The following NBEAL2 variants were observed in gnomAD, a reference collection of about 807,000 sequenced individuals.
NBEAL2 encodes neurobeachin-like protein 2.
Under a neutral mutation model 299.8 loss-of-function variants are expected in NBEAL2, and 160 were observed. The observed-to-expected ratio is 0.53, with a 90% CI of 0.47 to 0.61. The LOEUF (loss-of-function observed/expected upper bound fraction) is 0.61, where lower values mean the gene tolerates loss of function less well. Ranked by LOEUF, NBEAL2 falls within the 20% of genes least tolerant of loss-of-function variation. The pLI, the probability that NBEAL2 is intolerant of heterozygous loss-of-function variation, is 0.00. For synonymous variants in NBEAL2, 1,493 were observed against 1,542.3 expected (o/e 0.97, Z 0.75); for missense variants, 3,112 against 3,649.0 (o/e 0.85, Z 3.79).
In NBEAL2 at chr3:46,993,973, G is replaced by A. The variant is rs779526594; in HGVS notation, c.1150G>A (p.Val384Ile). The A allele has an allele frequency of 5.0e-6, 8 of 1,612,008 alleles. No individual in the cohort carries two copies. In the South Asian group the frequency reaches 8.8e-5, roughly 18 times the overall value. Residue 384 changes from valine (V) to isoleucine (I), a missense_variant, in exon 11 of 54, where the codon GTA becomes ATA. Val to Ile is a conservative substitution (Grantham distance 29). Coordinates refer to ENST00000450053, the MANE Select transcript of NBEAL2 (RefSeq NM_015175.3). ...DQDTDAIAVH[V>I]VRVLTCIMSD... ...AGACACAGACGCCATTGCAGTCCAT[G>A]TAGTCAGAGTGCTGACCTGCATCAT...
Position 47,003,032 on chromosome 3 carries a change from C to G in NBEAL2, c.5535C>G (p.Asn1845Lys). 1 of 1,613,278 alleles carries G rather than the reference C, an allele frequency of 6.2e-7. No individual in the cohort carries two copies. ...YSRMRLKLVPNHHFDPHLEAS... is the reference protein window; with the variant it reads ...YSRMRLKLVPKHHFDPHLEAS... ...GCATGCGTCTGAAGCTGGTGCCCAACCATCACTTCGACCCTCACCTGGAAG... is the reference window on the plus strand; with the variant it reads ...GCATGCGTCTGAAGCTGGTGCCCAAGCATCACTTCGACCCTCACCTGGAAG... Residue 1845 changes from asparagine (N) to lysine (K), a missense_variant, in exon 34 of 54, where the codon AAC becomes AAG. Transcript: ENST00000450053. The surrounding 1 kb of genome is among the most constrained non-coding windows in gnomAD (Gnocchi z 7.0).
chr3:46,997,470 T>C (rs370455597), intron 19 of NBEAL2, 37 bp downstream of exon 19: 2 of 1,597,476 alleles, frequency 1.3e-6, no homozygotes, highest in African/African-American at 2.7e-5. Flanking sequence ...GGAGAGGGAA[T>C]CTTGGCATGG....
Position 46,999,118 on chromosome 3 carries a change from G to C in NBEAL2, c.3543+1G>C. On this transcript the variant is annotated splice_donor_variant, in intron 24 of 53. Coordinates refer to ENST00000450053, the MANE Select transcript of NBEAL2 (RefSeq NM_015175.3). LOFTEE classifies it high-confidence loss of function. ...CCTGCTGCCCGATCGAGTCTGCAAG[G>C]TACACCCAGCCCACCCCCTCCCCTG... 1 of 1,570,504 alleles carries C rather than the reference G, an allele frequency of 6.4e-7. No homozygotes were observed. Among genetic ancestry groups the C allele is most frequent in the Non-Finnish European group, 8.6e-7 (1 of 1,156,636 alleles).
In NBEAL2 at chr3:46,988,075, C is replaced by A; in HGVS notation, c.52-594C>A. ...GGAACCAGCTCTGGGGCCTGGGGTC[C>A]AGGTAACCAGCAAGGGTGGGTGGAG... is the stretch of plus-strand genomic sequence containing the variant. On this transcript the variant is annotated intron_variant, in intron 1 of 53. Coordinates refer to ENST00000450053, the MANE Select transcript of NBEAL2 (RefSeq NM_015175.3). The surrounding 1 kb of genome is among the most constrained non-coding windows in gnomAD (Gnocchi z 4.4). 1.6e-6 allele frequency: 2 copies of A among 1,232,522 alleles called. No homozygotes were observed. The highest frequency in any genetic ancestry group is 2.1e-6 in the Non-Finnish European group (2 of 962,276). 76.3% of individuals were successfully genotyped at this position (1,232,522 alleles called of 1,614,324 possible).
Position 46,995,088 on chromosome 3 carries a change from G to C in NBEAL2, c.1353G>C (p.Pro451=), listed in dbSNP as rs115611407. 1.3e-6 allele frequency: 2 copies of C among 1,567,046 alleles called. No individual in the cohort carries two copies. Among genetic ancestry groups the C allele is most frequent in the African/African-American group, 2.7e-5 (2 of 73,804 alleles). Residue 451 remains proline, a synonymous_variant, in exon 13 of 54, where the codon CCG becomes CCC. Coordinates refer to ENST00000450053, the MANE Select transcript of NBEAL2 (RefSeq NM_015175.3). ...CTCCACCAATCCGCAACGAGCAGCC[G>C]GTACTGGTGCTGGCGCAGTGGCTGC... ...CPPPPIRNEQ[P]VLVLAQWLPS... is the part of the protein sequence containing the mutation.
Position 47,006,388 on chromosome 3 carries a change from TG to T in NBEAL2, c.7075del (p.Asp2359ThrfsTer30). 1.3e-6 allele frequency: 2 copies of T among 1,596,262 alleles called. No homozygotes were observed. Among genetic ancestry groups the T allele is most frequent in the South Asian group, 1.1e-5 (1 of 87,800 alleles). On this transcript the variant is annotated frameshift_variant, in exon 45 of 54. Transcript: ENST00000450053. LOFTEE classifies it high-confidence loss of function. ...GAAGCAGCCCATCGCCTTGCACGCC[TG>T]GACACTAACTCACCTAGCATCTTCC... ...AEEAAHRLAR[L>X]DTNSPSIFQH...
rs779405002 is a variant in NBEAL2 at position 47,001,981 on chromosome 3, G to T, written c.4844G>T (p.Arg1615Leu). The part of the protein sequence containing the change: ...MLLQTAVPAR[R>L]EEACYVLSKL... ...CTACAGACTGCAGTGCCAGCCCGCC[G>T]CGAGGAGGCCTGCTATGTGCTCTCC... Residue 1615 changes from arginine to leucine, a missense_variant, in exon 31 of 54, where the codon CGC becomes CTC. Coordinates refer to ENST00000450053, the MANE Select transcript of NBEAL2 (RefSeq NM_015175.3). This position sits in a 1 kb window ranked among gnomAD's most constrained non-coding sequence, Gnocchi z 6.1. 1 of 1,607,956 alleles carries T rather than the reference G, an allele frequency of 6.2e-7. No homozygotes were observed. Among genetic ancestry groups the T allele is most frequent in the Middle Eastern group, 1.7e-4 (1 of 6,052 alleles).
intron 19 of NBEAL2, 27 bp downstream of exon 19, chr3:46,997,460 G>A (rs1395183477): frequency 2.5e-6 from 4 of 1,600,914 alleles, no homozygotes; most frequent in East Asian, 2.2e-5. Context: ...CCTATGTTGT[G>A]GAGAGGGAAT....
intron 26 of NBEAL2, 63 bp from the exon 27 acceptor site, chr3:46,999,802 TCTGGAGCCCTCCTCTGCAAAGGCC>T: frequency 1.3e-6 from 2 of 1,591,026 alleles, no homozygotes; most frequent in Non-Finnish European, 1.7e-6. Flanking sequence ...ATGAGGGGTC[TCTGGAGCCCTCCTCTGCAAAGGCC>T]CTGGATGAGG....
chr3:47,005,678 G>T (rs978414993), intron 41 of NBEAL2, 59 bp downstream of exon 41: 18 of 1,564,298 alleles, frequency 1.2e-5, no homozygotes, highest in Non-Finnish European at 1.5e-5. Context: ...GCAGATGGTG[G>T]AGTGGCCAGG....
chr3:46,980,266 C>T (rs990034962), intron 1 of NBEAL2, among the ~76,000 whole-genome samples: 1 of 152,174 alleles, frequency 6.6e-6, no homozygotes, highest in Non-Finnish European at 1.5e-5. Context: ...CCTGGAGAGA[C>T]CTGGAGACTG....
chr3:46,989,269 T>C lies in NBEAL2; in HGVS notation c.361T>C (p.Cys121Arg), dbSNP rs1163898918. 6.2e-7 allele frequency: 1 copy of C among 1,611,680 alleles called. No individual in the cohort carries two copies. The highest frequency in any genetic ancestry group is 8.5e-7 in the Non-Finnish European group (1 of 1,178,950). The change falls in exon 5 of 54, where the codon TGC (cysteine) becomes CGC (arginine). Residue 121 changes from cysteine (C) to arginine (R), a missense_variant. Physicochemically the swap from Cys to Arg is radical, Grantham distance 180. Around this residue, in one of 3 missense-constraint regions of NBEAL2, gnomAD observed 2,243 missense variants for 2,538.1 expected, o/e 0.88. Coordinates refer to ENST00000450053, the MANE Select transcript of NBEAL2 (RefSeq NM_015175.3). The surrounding 1 kb of genome is among the most constrained non-coding windows in gnomAD (Gnocchi z 5.5). ...CTCCCCACACCTACAGCTGAAAGGA[T>C]GCCCACCACCCCAGGGCCGAGGCAC... Reference protein sequence around the residue: ...LTKLVAELKGCPPPQGRGTQL... With the variant: ...LTKLVAELKGRPPPQGRGTQL...
rs751243925 is a variant in NBEAL2, at chr3:47,008,590, C to T, written c.7949C>T (p.Pro2650Leu). 2 of 1,613,674 alleles carry T rather than the reference C, an allele frequency of 1.2e-6. No individual in the cohort carries two copies. The highest frequency in any genetic ancestry group is 2.2e-5 in the South Asian group (2 of 91,090). Residue 2650 changes from proline to leucine, a missense_variant, in exon 52 of 54, where the codon CCT becomes CTT. Around this residue, in one of 3 missense-constraint regions of NBEAL2, gnomAD observed 348 missense variants for 381.4 expected, o/e 0.91. Transcript: ENST00000450053. Reference sequence around the variant, plus strand: ...GCTTCACTGCCCCTGGCAGAGCAGCCTACAGCCCTGACGGTGACAGAGGAC... The same window carrying T: ...GCTTCACTGCCCCTGGCAGAGCAGCTTACAGCCCTGACGGTGACAGAGGAC... ...LRASLPLAEQ[P>L]TALTVTEDFV... is the part of the protein sequence containing the mutation.
chr3:47,007,644 G>C lies in NBEAL2; in HGVS notation c.7454G>C (p.Arg2485Pro), dbSNP rs769901586. The C allele has an allele frequency of 6.2e-7, 1 of 1,611,164 alleles. No individual in the cohort carries two copies. The highest frequency in any genetic ancestry group is 8.5e-7 in the Non-Finnish European group (1 of 1,179,082). ...GGTGGCCACTGGGATGGCAGCCTGC[G>C]GGTGACTGCACTACCCCGTGGCAAG... ...FSGGHWDGSL[R>P]VTALPRGKLL... Residue 2485 changes from arginine (R) to proline (P), a missense_variant, in exon 48 of 54, where the codon CGG becomes CCG. Arg to Pro is a moderately radical substitution (Grantham distance 103). Transcript: ENST00000450053.
intron 21 of NBEAL2, 102 bp from the exon 22 acceptor site, chr3:46,998,361 G>T: frequency 1.3e-6 from 2 of 1,510,554 alleles, no homozygotes; most frequent in South Asian, 2.4e-5. Flanking sequence ...AGGGGACTAT[G>T]ACCCTGCCCT....
Position 46,982,778 on chromosome 3 carries a change from A to C in NBEAL2, c.51+2866A>C, listed in dbSNP as rs1475471159. The stretch of plus-strand genomic sequence containing the variant: ...GCAGTGGGACAAGAAGCAAATTGTC[A>C]GGAGTTGGGGCAGGGCAGAGCTAGT... On this transcript the variant is annotated intron_variant, in intron 1 of 53. Coordinates refer to ENST00000450053, the MANE Select transcript of NBEAL2 (RefSeq NM_015175.3). This position sits in a 1 kb window ranked among gnomAD's most constrained non-coding sequence, Gnocchi z 4.2. 6.6e-6 allele frequency among the ~76,000 whole-genome samples: 1 copy of C among 152,110 alleles called. No homozygotes were observed. Among genetic ancestry groups the C allele is most frequent in the Non-Finnish European group, 1.5e-5 (1 of 67,996 alleles).
chr3:46,982,028 T>C lies in NBEAL2; in HGVS notation c.51+2116T>C, dbSNP rs916522347. 3 of 152,150 alleles carry C rather than the reference T, an allele frequency of 2.0e-5. No homozygotes were observed. Among genetic ancestry groups the C allele is most frequent in the African/African-American group, 7.2e-5 (3 of 41,398 alleles). The allele number at this position is 152,150 out of a possible 1,614,324, so 9.4% of individuals were successfully genotyped here. A position where few individuals can be genotyped will look rare whatever the true frequency, so the allele number is the denominator to read the frequency against. ...TGGGGCCAGGCAAACAAATCCAGGA[T>C]GTAACAGCAAACCCCCAAGCCAGGC... On this transcript the variant is annotated intron_variant, in intron 1 of 53. Transcript: ENST00000450053. The surrounding 1 kb of genome is among the most constrained non-coding windows in gnomAD (Gnocchi z 4.2).
Position 47,000,899 on chromosome 3 carries a change from C to A in NBEAL2, c.4306-102C>A. ...GCCAAATGCTCTGACTCCTGGGTGG[C>A]TACCCCAGGAGGGGTGCTGAGTGGG... On this transcript the variant is annotated intron_variant, in intron 27 of 53. Transcript: ENST00000450053. This position sits in a 1 kb window ranked among gnomAD's most constrained non-coding sequence, Gnocchi z 4.5. 1 of 1,487,506 alleles carries A rather than the reference C, an allele frequency of 6.7e-7. No individual in the cohort carries two copies. Among genetic ancestry groups the A allele is most frequent in the Non-Finnish European group, 9.1e-7 (1 of 1,098,874 alleles). The allele number at this position is 1,487,506 out of a possible 1,614,324, so 92.1% of individuals were successfully genotyped here. A position where few individuals can be genotyped will look rare whatever the true frequency, so the allele number is the denominator to read the frequency against.
At position 47,007,334 on chromosome 3, in the gene NBEAL2, A is replaced by C. The variant is rs765661704; in HGVS notation, c.7318A>C (p.Thr2440Pro). The change falls in exon 47 of 54, where the codon ACC becomes CCC. Residue 2440 changes from threonine (T) to proline (P), a missense_variant. By Grantham distance (38) the Thr-to-Pro change is conservative (BLOSUM62 -1). Coordinates refer to ENST00000450053, the MANE Select transcript of NBEAL2 (RefSeq NM_015175.3). ...CTACTTCAGCTTCAGCAAAGACCCC[A>C]CCATGGGCAGCCACAAGTAGGACAG... ...SNYFSFSKDP[T>P]MGSHKTQRLL... is the part of the protein sequence containing the mutation. The C allele has an allele frequency of 1.9e-6, 3 of 1,606,648 alleles. No homozygotes were observed. Among genetic ancestry groups the C allele is most frequent in the Non-Finnish European group, 2.5e-6 (3 of 1,176,788 alleles).
Sources: allele counts gnomAD v4.1 joint callset (sites outside exome capture counted in the v4.1 genomes callset), GRCh38; gene constraint gnomAD v4.1.1; regional missense constraint gnomAD v4.1.1; non-coding constraint Gnocchi (gnomAD v3.1); transcripts MANE v1.5; gene names NCBI Gene and HGNC (gene_info 2026-07-23, HGNC 2026-07-21).